The following FAM193A variants were observed in gnomAD, a reference collection of about 807,000 sequenced individuals.
FAM193A encodes protein FAM193A.
A neutral mutation model predicts 126.5 loss-of-function variants in FAM193A; 22 were observed. The ratio of observed to expected loss-of-function variants is 0.17; its 90% CI spans 0.12 to 0.25. The LOEUF (loss-of-function observed/expected upper bound fraction) is 0.25, where lower values mean the gene tolerates loss of function less well. FAM193A is among the 10% of genes least tolerant of loss of function. FAM193A has a pLI of 1.00. For missense variants in FAM193A, 1,675 were observed against 1,672.8 expected (o/e 1.00, Z -0.02); for synonymous variants, 761 against 646.8 (o/e 1.18, Z -2.68).
chr4:2,623,471 G>T (rs918130559), intron 2 of FAM193A, among the ~76,000 whole-genome samples: 2 of 152,114 alleles, frequency 1.3e-5, no homozygotes, highest in Non-Finnish European at 2.9e-5. Flanking sequence ...CGCCTGGCCG[G>T]TCCCCTGCTG....
intron 1 of FAM193A, among the ~76,000 whole-genome samples, chr4:2,579,026 C>T (rs978440577): frequency 8.6e-5 from 13 of 151,822 alleles, no homozygotes; most frequent in Non-Finnish European, 1.9e-4. Flanking sequence ...AATGCAGTGG[C>T]GTGATCACAG....
At chr4:2,593,646 T>C (rs1205042453) in intron 1 of FAM193A, among the ~76,000 whole-genome samples, 2 of 152,180 alleles carry the variant, frequency 1.3e-5, no homozygotes, top group Non-Finnish European at 2.9e-5. Context: ...GACTGGTGAA[T>C]GTACAGGAGC....
At chr4:2,555,798 T>C (rs1738219656) in intron 1 of FAM193A, among the ~76,000 whole-genome samples, 1 of 150,166 alleles carries the variant, frequency 6.7e-6, no homozygotes, top group African/African-American at 2.5e-5. Context: ...TTTGTATTTT[T>C]AGTAGAGACG....
chr4:2,684,986 C>A (rs981455767), intron 13 of FAM193A, among the ~76,000 whole-genome samples: 4 of 152,208 alleles, frequency 2.6e-5, no homozygotes, highest in African/African-American at 9.6e-5. Flanking sequence ...TTAACGACTA[C>A]AGGGCCTGAA....
intron 1 of FAM193A, among the ~76,000 whole-genome samples, chr4:2,555,756 T>TAC (rs1035209655): frequency 1.8e-4 from 27 of 152,050 alleles, no homozygotes; most frequent in Non-Finnish European, 3.7e-4. Flanking sequence ...TAGCTGGGAC[T>TAC]ACAGGCGCCC....
chr4:2,678,785 CT>C (rs1229303169), intron 13 of FAM193A, among the ~76,000 whole-genome samples: 1 of 152,190 alleles, frequency 6.6e-6, no homozygotes, highest in Non-Finnish European at 1.5e-5. Flanking sequence ...TATCTTCCTA[CT>C]TTGCTGAATT....
Position 2,630,818 on chromosome 4 carries a change from C to T in FAM193A, c.804-117C>T. 1.8e-5 allele frequency: 11 copies of T among 614,306 alleles called. 1 individual carries two copies. In the South Asian group the frequency reaches 1.9e-4, roughly 11 times the overall value. 38.1% of individuals were successfully genotyped at this position (614,306 alleles called of 1,614,324 possible). ...TCACAGGTGGTTATGAGGAAGGTGA[C>T]TGTGTGGTCATCTAGAGGTGGCCAC... is the stretch of plus-strand genomic sequence containing the variant. On this transcript the variant is annotated intron_variant, in intron 4 of 20. Transcript: ENST00000637812.
chr4:2,685,194 A>G (rs1027394130), intron 13 of FAM193A, among the ~76,000 whole-genome samples: 8 of 152,096 alleles, frequency 5.3e-5, no homozygotes, highest in Non-Finnish European at 1.2e-4. Context: ...AGTTCAGTGT[A>G]TCAAGTGGAG....
intron 1 of FAM193A, among the ~76,000 whole-genome samples, chr4:2,547,820 T>G (rs1010185991): frequency 6.6e-6 from 1 of 151,884 alleles, no homozygotes; most frequent in Admixed American, 6.6e-5. Context: ...AGATGGGATT[T>G]CACCATGTTG....
intron 5 of FAM193A, among the ~76,000 whole-genome samples, chr4:2,637,131 A>G (rs535479015): frequency 4.6e-5 from 7 of 152,350 alleles, no homozygotes; most frequent in African/African-American, 1.7e-4. Context: ...GTTCAAGACC[A>G]GCCTGGGCAA....
Position 2,608,018 on chromosome 4 carries a change from C to T in FAM193A, c.501+11689C>T, listed in dbSNP as rs1260197910. Reference sequence around the variant, plus strand: ...CAGCCCCTGCTGGGGTGTGAATGTGCACCACGCACTTCACGTCCGGGTGTG... The same window carrying T: ...CAGCCCCTGCTGGGGTGTGAATGTGTACCACGCACTTCACGTCCGGGTGTG... On this transcript the variant is annotated intron_variant, in intron 2 of 20. Coordinates refer to ENST00000637812, the MANE Select transcript of FAM193A (RefSeq NM_001366318.2). 14 of 1,602,872 alleles carry T rather than the reference C, an allele frequency of 8.7e-6. 1 individual carries two copies. In the South Asian group the frequency reaches 1.5e-4, roughly 17 times the overall value.
At chr4:2,714,979 G>T (rs1207906695) in intron 19 of FAM193A, among the ~76,000 whole-genome samples, 1 of 152,074 alleles carries the variant, frequency 6.6e-6, no homozygotes, top group Admixed American at 6.6e-5. Context: ...TAAGCCTCCG[G>T]GAATGTATTC....
At chr4:2,568,747 AATC>A (rs1197209156) in intron 1 of FAM193A, among the ~76,000 whole-genome samples, 1 of 152,218 alleles carries the variant, frequency 6.6e-6, no homozygotes, top group African/African-American at 2.4e-5. Context: ...GAGAATAATA[AATC>A]TTAGTAACGA....
chr4:2,730,692 GAA>G (rs370359383), intron 20 of FAM193A, among the ~76,000 whole-genome samples: 2 of 132,962 alleles, frequency 1.5e-5, no homozygotes, highest in Admixed American at 7.5e-5. Context: ...TCCGTGTCAA[GAA>G]AAAAAAAAAA....
intron 19 of FAM193A, among the ~76,000 whole-genome samples, chr4:2,707,936 G>C (rs1043138786): frequency 6.6e-6 from 1 of 152,064 alleles, no homozygotes; most frequent in East Asian, 1.9e-4. Context: ...TTTTAGTAGA[G>C]ACCAGGTTTT....
At chr4:2,582,162 C>T (rs912823305) in intron 1 of FAM193A, among the ~76,000 whole-genome samples, 1 of 152,042 alleles carries the variant, frequency 6.6e-6, no homozygotes, top group African/African-American at 2.4e-5. Context: ...CTCCAGCCCC[C>T]TTTCTTTTCG....
At chr4:2,635,423 A>G (rs969743304) in intron 5 of FAM193A, among the ~76,000 whole-genome samples, 11 of 152,356 alleles carry the variant, frequency 7.2e-5, no homozygotes, top group East Asian at 5.8e-4. Context: ...GCTTATTGTC[A>G]TTTTAAAAAT....
At position 2,563,125 on chromosome 4, in the gene FAM193A, A is replaced by G. The variant is rs565918811; in HGVS notation, c.255+25955A>G. Among the ~76,000 whole-genome samples the G allele has an allele frequency of 2.7e-5, 4 of 150,912 alleles. No individual in the cohort carries two copies. In the East Asian group the frequency reaches 5.9e-4, roughly 22 times the overall value. ...ATGCCCAGCTAATTTTTGTATTTTTAGTAGAGATGAGGTTTCACCATGTTG... is the reference window on the plus strand; with the variant it reads ...ATGCCCAGCTAATTTTTGTATTTTTGGTAGAGATGAGGTTTCACCATGTTG... On this transcript the variant is annotated intron_variant, in intron 1 of 20. Transcript: ENST00000637812.
At chr4:2,625,943 C>CAA (rs1742922146) in intron 3 of FAM193A, among the ~76,000 whole-genome samples, 1 of 152,108 alleles carries the variant, frequency 6.6e-6, no homozygotes, top group South Asian at 2.1e-4. Context: ...AGGCTGGTCT[C>CAA]AAACTCCTGG....
Sources: allele counts gnomAD v4.1 joint callset (sites outside exome capture counted in the v4.1 genomes callset), GRCh38; gene constraint gnomAD v4.1.1; transcripts MANE v1.5; gene names NCBI Gene and HGNC (gene_info 2026-07-23, HGNC 2026-07-21).